The following JAG2 variants were observed in gnomAD, a reference collection of about 807,000 sequenced individuals.
The protein encoded by JAG2 is protein jagged-2.
In JAG2, 46 loss-of-function variants were observed where a neutral mutation model predicts 141.7. That is an observed-to-expected ratio of 0.32 (90% CI 0.26 to 0.42). The LOEUF (loss-of-function observed/expected upper bound fraction) is 0.42, where lower values mean the gene tolerates loss of function less well. Ranked by LOEUF, JAG2 falls within the 10% of genes least tolerant of loss-of-function variation. The probability of loss-of-function intolerance (pLI) is 1.00; values close to 1 mark genes in which losing one functional copy is unlikely to be tolerated. For synonymous variants in JAG2, 862 were observed against 763.5 expected (o/e 1.13, Z -2.13); for missense variants, 1,500 against 1,817.5 (o/e 0.83, Z 3.18).
chr14:105,168,675 C>A lies in JAG2; in HGVS notation c.-255G>T. The A allele has an allele frequency of 6.6e-6, 1 of 151,008 alleles. No individual in the cohort carries two copies. The highest frequency in any genetic ancestry group is 1.8e-4 in the South Asian group (1 of 5,626). 9.4% of individuals were successfully genotyped at this position (151,008 alleles called of 1,614,324 possible). A position where few individuals can be genotyped will look rare whatever the true frequency, so the allele number is the denominator to read the frequency against. ...CGCTCCGGCTGCCCGGCCCGGCTCCCACCCGGCGGCGACGGCGGCGGCGGT... is the reference window on the plus strand; with the variant it reads ...CGCTCCGGCTGCCCGGCCCGGCTCCAACCCGGCGGCGACGGCGGCGGCGGT... On this transcript the variant is annotated 5_prime_UTR_variant, in exon 1 of 26. Transcript: ENST00000331782.
At position 105,148,336 on chromosome 14, in the gene JAG2, G is replaced by A. The variant is rs1385674396; in HGVS notation, c.2124C>T (p.Thr708=). Residue 708 remains threonine (T), a synonymous_variant, in exon 16 of 26, where the codon ACC becomes ACT. Transcript: ENST00000331782. ...CACDDGWKGK[T]CHSREFQCDA... ...CCTGCGGACACTCACGTGAGTGGCA[G>A]GTCTTGCCCTTCCAGCCGTCGTCGC... 6.2e-7 allele frequency: 1 copy of A among 1,609,008 alleles called. No individual in the cohort carries two copies. Among genetic ancestry groups the A allele is most frequent in the Middle Eastern group, 1.7e-4 (1 of 6,058 alleles).
rs1212906714 is a variant in JAG2 at position 105,142,736 on chromosome 14, C to T, written c.3676G>A (p.Val1226Ile). ...TAGCGGGCCTCATTGATGCTCCTGA[C>T]CGCGCGGTTGTCCACTTTGGGGCCT... ...ASGPKVDNRA[V>I]RSINEARYAG... The change falls in exon 26 of 26, where the codon GTC (valine) becomes ATC (isoleucine). Residue 1226 changes from valine to isoleucine, a missense_variant. By Grantham distance (29) the Val-to-Ile change is conservative. Around this residue, in one of 3 missense-constraint regions of JAG2, gnomAD observed 425 missense variants for 441.0 expected, o/e 0.96. Coordinates refer to ENST00000331782, the MANE Select transcript of JAG2 (RefSeq NM_002226.5). The T allele has an allele frequency of 6.2e-7, 1 of 1,608,812 alleles. No individual in the cohort carries two copies. Among genetic ancestry groups the T allele is most frequent in the South Asian group, 1.1e-5 (1 of 90,090 alleles).
At position 105,142,938 on chromosome 14, in the gene JAG2, C is replaced by T. The variant is rs60172487; in HGVS notation, c.3474G>A (p.Pro1158=). 1.2e-5 allele frequency: 19 copies of T among 1,608,440 alleles called. No homozygotes were observed. Among genetic ancestry groups the T allele is most frequent in the Admixed American group, 6.7e-5 (4 of 59,786 alleles). ...CGGGCAGCGCCTCGTCCGCCCTGCG[C>T]GGCGGCGGCGTGAAGTTCTTGCACT... ...LYQCKNFTPP[P]RRADEALPGP... is the part of the protein sequence containing the mutation. Residue 1158 remains proline (P), a synonymous_variant, in exon 26 of 26, where the codon CCG becomes CCA. Transcript: ENST00000331782.
intron 2 of JAG2, among the ~76,000 whole-genome samples, chr14:105,160,571 A>G (rs1447888062): frequency 1.3e-5 from 2 of 151,990 alleles, no homozygotes; most frequent in African/African-American, 4.8e-5. Flanking sequence ...TGTTCCAATA[A>G]GGCCAGGCCA....
rs975522786 is a variant in JAG2 at position 105,165,535 on chromosome 14, T to C, written c.417+2222A>G. On this transcript the variant is annotated intron_variant, in intron 2 of 25. Coordinates refer to ENST00000331782, the MANE Select transcript of JAG2 (RefSeq NM_002226.5). ...CATTCAAGACCCTGGGCCCACCCAC[T>C]GAGGGAAGCTGAGCCCGAGACCAGC... is the stretch of plus-strand genomic sequence containing the variant. Among the ~76,000 whole-genome samples, 5 of 152,176 alleles carry C rather than the reference T, an allele frequency of 3.3e-5. No homozygotes were observed. The East Asian group carries it at 5.8e-4, about 18-fold the overall frequency.
At chr14:105,156,982 C>G (rs587729657) in intron 3 of JAG2, among the ~76,000 whole-genome samples, 1 of 152,256 alleles carries the variant, frequency 6.6e-6, no homozygotes, top group East Asian at 1.9e-4. Context: ...CCTGGCCCCG[C>G]TCTCCCTCCT....
At chr14:105,162,672 C>CGT (rs1888786805) in intron 2 of JAG2, among the ~76,000 whole-genome samples, 1 of 52,808 alleles carries the variant, frequency 1.9e-5, no homozygotes, top group Non-Finnish European at 4.5e-5. Context: ...AAGCCCAGGA[C>CGT]ACCTCAGGTC....
At chr14:105,163,754 C>T (rs1421010927) in intron 2 of JAG2, among the ~76,000 whole-genome samples, 1 of 149,654 alleles carries the variant, frequency 6.7e-6, no homozygotes, top group African/African-American at 2.5e-5. Context: ...AGTCCTGGGA[C>T]CTGGGGACAG....
At chr14:105,151,243 G>T in intron 9 of JAG2, 40 bp downstream of exon 9, 1 of 1,110,022 alleles carries the variant, frequency 9.0e-7, no homozygotes. Context: ...CAGCCCGCAT[G>T]CGCGGCCCAC....
At chr14:105,149,589 G>C (rs1888348318) in intron 12 of JAG2, among the ~76,000 whole-genome samples, 1 of 151,844 alleles carries the variant, frequency 6.6e-6, no homozygotes, top group East Asian at 2.0e-4. Flanking sequence ...CTTGGCCCCT[G>C]CTGCTGGCAG....
rs587761666 is a variant in JAG2, at chr14:105,163,894, G to A, written c.417+3863C>T. The stretch of plus-strand genomic sequence containing the variant: ...CTCAGGCCTGGGGTCTGGGGATAGC[G>A]ACTGTGGCTGGGGCCTGGGATTGCA... On this transcript the variant is annotated intron_variant, in intron 2 of 25. Transcript: ENST00000331782. Among the ~76,000 whole-genome samples, 9 of 152,226 alleles carry A rather than the reference G, an allele frequency of 5.9e-5. No homozygotes were observed. In the South Asian group the frequency reaches 1.4e-3, roughly 25 times the overall value.
intron 22 of JAG2, among the ~76,000 whole-genome samples, 192 bp from the exon 23 acceptor site, chr14:105,146,165 A>G (rs1888216652): frequency 6.6e-6 from 1 of 152,130 alleles, no homozygotes; most frequent in African/African-American, 2.4e-5. Context: ...GACATCAGAA[A>G]GGGCAGGCGG....
intron 2 of JAG2, among the ~76,000 whole-genome samples, chr14:105,166,294 ACTG>A (rs1312850744): frequency 3.9e-5 from 6 of 152,140 alleles, no homozygotes; most frequent in Non-Finnish European, 8.8e-5. Context: ...CCCCACACCC[ACTG>A]CTGCCAACTC....
At chr14:105,149,351 A>G in intron 12 of JAG2, 31 bp from the exon 13 acceptor site, 2 of 1,611,912 alleles carry the variant, frequency 1.2e-6, no homozygotes, top group Non-Finnish European at 1.7e-6. Flanking sequence ...GTGAGAGCCT[A>G]GGCCCAGGCC....
At position 105,143,192 on chromosome 14, in the gene JAG2, C is replaced by T. The variant is rs201833691; in HGVS notation, c.3242-22G>A. 2,925 of 1,591,482 alleles carry T rather than the reference C, an allele frequency of 1.8e-3. 7 individuals carry two copies. The highest frequency in any genetic ancestry group is 2.3e-3 in the Non-Finnish European group (2,699 of 1,176,580). Reference sequence around the variant, plus strand: ...AGACCTGGGGACCGGGGAGAAGAGCCGGTGGGCAATGAGGCCTGGGCACCT... The same window carrying T: ...AGACCTGGGGACCGGGGAGAAGAGCTGGTGGGCAATGAGGCCTGGGCACCT... On this transcript the variant is annotated intron_variant, in intron 25 of 25. Transcript: ENST00000331782.
At chr14:105,156,079 G>A (rs1439414973) in intron 3 of JAG2, 90 bp from the exon 4 acceptor site, 16 of 1,513,170 alleles carry the variant, frequency 1.1e-5, no homozygotes, top group South Asian at 7.3e-5. Flanking sequence ...AGAAGCCTGC[G>A]GCTGCTGCAA....
chr14:105,167,648 G>A lies in JAG2; in HGVS notation c.417+109C>T. On this transcript the variant is annotated intron_variant, in intron 2 of 25. Transcript: ENST00000331782. This position sits in a 1 kb window ranked among gnomAD's most constrained non-coding sequence, Gnocchi z 4.8. ...CCGGCCCCGCCCCGCCTGGGCGCGC[G>A]CGGCTCGCACGCAGACCCGGCCGCA... 8.5e-7 allele frequency: 1 copy of A among 1,180,404 alleles called. No individual in the cohort carries two copies. The highest frequency in any genetic ancestry group is 1.1e-6 in the Non-Finnish European group (1 of 951,620). 73.1% of individuals were successfully genotyped at this position (1,180,404 alleles called of 1,614,324 possible).
rs1455218970 is a variant in JAG2 at position 105,149,193 on chromosome 14, G to A, written c.1730C>T (p.Pro577Leu). The A allele has an allele frequency of 1.3e-5, 18 of 1,390,192 alleles. No homozygotes were observed. The highest frequency in any genetic ancestry group is 9.8e-5 in the Admixed American group (5 of 51,260). 86.1% of individuals were successfully genotyped at this position (1,390,192 alleles called of 1,614,324 possible). A position where few individuals can be genotyped will look rare whatever the true frequency, so the allele number is the denominator to read the frequency against. The change falls in exon 13 of 26, where the codon CCG becomes CTG. Residue 577 changes from proline (P) to leucine (L), a missense_variant. Coordinates refer to ENST00000331782, the MANE Select transcript of JAG2 (RefSeq NM_002226.5). ...ACCTCTGCAGGCCCCGCCAGGGCACGGCTCGCGGGGCACGGAGCAGTTCTT... is the reference window on the plus strand; with the variant it reads ...ACCTCTGCAGGCCCCGCCAGGGCACAGCTCGCGGGGCACGGAGCAGTTCTT... The part of the protein sequence containing the change: ...GGKNCSVPRE[P>L]CPGGACRVID...
intron 12 of JAG2, among the ~76,000 whole-genome samples, chr14:105,149,734 C>T (rs775286850): frequency 1.8e-4 from 26 of 148,300 alleles, no homozygotes; most frequent in Non-Finnish European, 3.3e-4. Flanking sequence ...CCAAGAAGCC[C>T]TCTGGACAGG....
Sources: allele counts gnomAD v4.1 joint callset (sites outside exome capture counted in the v4.1 genomes callset), GRCh38; gene constraint gnomAD v4.1.1; regional missense constraint gnomAD v4.1.1; non-coding constraint Gnocchi (gnomAD v3.1); transcripts MANE v1.5; gene names NCBI Gene and HGNC (gene_info 2026-07-23, HGNC 2026-07-21).